Variants in CFAP36 observed in about 807,000 individuals in gnomAD.
The protein encoded by CFAP36 is cilia and flagella associated protein 36, also known as cilia- and flagella-associated protein 36.
Under a neutral mutation model 50.5 loss-of-function variants are expected in CFAP36, and 37 were observed. That is an observed-to-expected ratio of 0.73 (90% CI 0.56 to 0.96). The LOEUF (loss-of-function observed/expected upper bound fraction) is 0.96, where lower values mean the gene tolerates loss of function less well. Among genes scored for constraint, CFAP36 ranks in the 50% least tolerant of loss-of-function variants. The probability of loss-of-function intolerance (pLI) is 0.00; values close to 1 mark genes in which losing one functional copy is unlikely to be tolerated. For synonymous variants in CFAP36, 138 were observed against 128.2 expected (o/e 1.08, Z -0.52); for missense variants, 407 against 396.2 (o/e 1.03, Z -0.23).
At chr2:55,531,251 C>T (rs79799378) in intron 4 of CFAP36, 102 of 152,204 alleles carry the variant, frequency 6.7e-4, no homozygotes, top group African/African-American at 1.9e-3. Context: ...TTCTGACTTA[C>T]GGGTTAGACA....
rs1008995191 is a variant in CFAP36 at position 55,537,729 on chromosome 2, A to G, written c.640+144A>G. ...CTTTGGTATTTAACGTTCTTTGTGA[A>G]TTTGGTTAAAGAGGTTGCAGACGAG... On this transcript the variant is annotated intron_variant, in intron 7 of 9. Coordinates refer to ENST00000349456, the MANE Select transcript of CFAP36 (RefSeq NM_080667.7). The G allele has an allele frequency of 8.2e-6, 5 of 609,238 alleles. No individual in the cohort carries two copies. In the Admixed American group the frequency reaches 1.0e-4, roughly 12 times the overall value. The allele number at this position is 609,238 out of a possible 1,614,324, so 37.7% of individuals were successfully genotyped here.
chr2:55,526,284 G>C (rs1684205196), intron 3 of CFAP36, among the ~76,000 whole-genome samples: 1 of 152,220 alleles, frequency 6.6e-6, no homozygotes. Context: ...TTAGTTGCTA[G>C]TACATAGTTC....
intron 7 of CFAP36, chr2:55,539,635 C>T (rs946010908): frequency 6.6e-6 from 1 of 152,196 alleles, no homozygotes; most frequent in African/African-American, 2.4e-5. Flanking sequence ...TGGGTAAATA[C>T]CAATGAGCAT....
intron 3 of CFAP36, among the ~76,000 whole-genome samples, chr2:55,525,845 TGGAACACCTGACCTCAGGC>T (rs1483914581): frequency 6.6e-6 from 1 of 152,222 alleles, no homozygotes; most frequent in East Asian, 1.9e-4. Flanking sequence ...TTGGCCAAGC[TGGAACACCTGACCTCAGGC>T]GATCCACCCG....
chr2:55,533,093 A>G (rs1411196864), intron 4 of CFAP36, among the ~76,000 whole-genome samples: 1 of 152,200 alleles, frequency 6.6e-6, no homozygotes, highest in Non-Finnish European at 1.5e-5. Context: ...CGCCCTTTTC[A>G]ATAACATCTG....
Position 55,523,728 on chromosome 2 carries a change from A to G in CFAP36, c.188A>G (p.Lys63Arg). 1 of 1,589,312 alleles carries G rather than the reference A, an allele frequency of 6.3e-7. No homozygotes were observed. The highest frequency in any genetic ancestry group is 8.6e-7 in the Non-Finnish European group (1 of 1,166,086). Residue 63 changes from lysine (K) to arginine (R), a missense_variant, in exon 3 of 10, where the codon AAG becomes AGG. Coordinates refer to ENST00000349456, the MANE Select transcript of CFAP36 (RefSeq NM_080667.7). ...TAAACTTTGTTTTTTTAGGTTGAAAAGCTGTTAGAAGGTTACCTCAAAGAA... is the reference window on the plus strand; with the variant it reads ...TAAACTTTGTTTTTTTAGGTTGAAAGGCTGTTAGAAGGTTACCTCAAAGAA... The part of the protein sequence containing the change: ...IHQEYKELVE[K>R]LLEGYLKEIG...
At chr2:55,534,545 A>G (rs1479248777) in intron 5 of CFAP36, among the ~76,000 whole-genome samples, 1 of 152,208 alleles carries the variant, frequency 6.6e-6, no homozygotes. Context: ...AAGAAATGGT[A>G]ATGGACATTT....
chr2:55,543,214 G>A (rs12472098), intron 7 of CFAP36, among the ~76,000 whole-genome samples: 13,541 of 152,062 alleles, frequency 0.089, 745 homozygotes, highest in South Asian at 0.14. Flanking sequence ...CATAGCCCAT[G>A]TATTTACACT....
At chr2:55,538,975 T>C (rs1684564404) in intron 7 of CFAP36, 10 of 1,367,226 alleles carry the variant, frequency 7.3e-6, no homozygotes, top group Non-Finnish European at 9.5e-6. Flanking sequence ...TTAAGCTGTT[T>C]TAGGTTCACA....
intron 7 of CFAP36, among the ~76,000 whole-genome samples, 189 bp downstream of exon 7, chr2:55,537,774 C>T (rs1458592731): frequency 2.6e-5 from 4 of 152,114 alleles, no homozygotes; most frequent in East Asian, 1.9e-4. Flanking sequence ...TGAAAGAGAG[C>T]GTATAGTCCT....
At chr2:55,535,224 C>T (rs993632259) in intron 5 of CFAP36, among the ~76,000 whole-genome samples, 2 of 152,200 alleles carry the variant, frequency 1.3e-5, no homozygotes, top group African/African-American at 4.8e-5. Flanking sequence ...TCGAAAAGCA[C>T]TGTCTCAGTG....
chr2:55,520,756 T>A (rs1037452098), intron 1 of CFAP36, among the ~76,000 whole-genome samples: 1 of 152,212 alleles, frequency 6.6e-6, no homozygotes, highest in Non-Finnish European at 1.5e-5. Context: ...GTAGTAGTAT[T>A]CATCAATTAT....
chr2:55,538,724 T>G, intron 7 of CFAP36: 333 of 1,493,078 alleles, frequency 2.2e-4, no homozygotes, highest in Middle Eastern at 3.5e-4. Context: ...ATTATAGGCA[T>G]GAGCCACTGT....
chr2:55,535,098 A>G (rs1684448014), intron 5 of CFAP36, among the ~76,000 whole-genome samples: 1 of 152,062 alleles, frequency 6.6e-6, no homozygotes, highest in South Asian at 2.1e-4. Flanking sequence ...TGGCCTGAAA[A>G]CTGGTCAGCA....
intron 3 of CFAP36, 87 bp from the exon 4 acceptor site, chr2:55,528,791 T>C: frequency 1.4e-6 from 1 of 708,428 alleles, no homozygotes; most frequent in Non-Finnish European, 2.4e-6. Context: ...TGAATTAATC[T>C]ACTGTTTTGC....
At chr2:55,543,782 G>A (rs899946295) in intron 7 of CFAP36, among the ~76,000 whole-genome samples, 156 bp from the exon 8 acceptor site, 1 of 152,172 alleles carries the variant, frequency 6.6e-6, no homozygotes, top group African/African-American at 2.4e-5. Context: ...TTCTTACCCA[G>A]TGGCTGGCAC....
At chr2:55,531,115 A>G (rs1026067867) in intron 4 of CFAP36, 4 of 152,182 alleles carry the variant, frequency 2.6e-5, no homozygotes, top group African/African-American at 9.7e-5. Flanking sequence ...ACACCACCCT[A>G]ACCCTGAAGA....
intron 4 of CFAP36, chr2:55,531,388 A>G (rs898541407): frequency 6.6e-6 from 1 of 152,222 alleles, no homozygotes; most frequent in African/African-American, 2.4e-5. Flanking sequence ...ATTTTAATAA[A>G]AAGGGAATAA....
chr2:55,527,344 A>G (rs979844375), intron 3 of CFAP36, among the ~76,000 whole-genome samples: 1 of 152,066 alleles, frequency 6.6e-6, no homozygotes, highest in African/African-American at 2.4e-5. Context: ...GAACTTTGGG[A>G]GGCCGAGGTG....
Sources: gnomAD v4.1 joint callset for allele counts (sites outside exome capture counted in the v4.1 genomes callset) on GRCh38, gnomAD v4.1.1 for gene constraint, MANE v1.5 for transcripts, NCBI Gene and HGNC (gene_info 2026-07-23, HGNC 2026-07-21) for gene names.